Variants in TCERG1L observed in about 807,000 individuals in gnomAD.
TCERG1L encodes transcription elongation regulator 1-like protein.
TCERG1L carries 37 observed loss-of-function variants against 56.3 expected under a neutral mutation model. The ratio of observed to expected loss-of-function variants is 0.66; its 90% CI spans 0.51 to 0.87. The LOEUF (loss-of-function observed/expected upper bound fraction) is 0.87, where lower values mean the gene tolerates loss of function less well. Among genes scored for constraint, TCERG1L ranks in the 40% least tolerant of loss-of-function variants. The pLI is 0.00. For missense variants in TCERG1L, 799 were observed against 774.2 expected (o/e 1.03, Z -0.38); for synonymous variants, 324 against 326.3 (o/e 0.99, Z 0.08).
rs980683615 is a variant in TCERG1L, at chr10:131,260,151, G to T, written c.856+108C>A. The T allele has an allele frequency of 5.7e-6, 7 of 1,237,756 alleles. No homozygotes were observed. Among genetic ancestry groups the T allele is most frequent in the Non-Finnish European group, 7.1e-6 (7 of 990,956 alleles). The allele number at this position is 1,237,756 out of a possible 1,614,324, so 76.7% of individuals were successfully genotyped here. A position where few individuals can be genotyped will look rare whatever the true frequency, so the allele number is the denominator to read the frequency against. ...CGAATGTTTCCCTCAACCGGAGCCG[G>T]GCTTCAGGTCCCACAGCGCCTGGGC... On this transcript the variant is annotated intron_variant, in intron 4 of 11. Coordinates refer to ENST00000368642, the MANE Select transcript of TCERG1L (RefSeq NM_174937.4). This position sits in a 1 kb window ranked among gnomAD's most constrained non-coding sequence, Gnocchi z 5.8.
chr10:131,127,773 A>C (rs1352760455), intron 8 of TCERG1L, among the ~76,000 whole-genome samples: 1 of 152,138 alleles, frequency 6.6e-6, no homozygotes, highest in Non-Finnish European at 1.5e-5. Context: ...AGCAGACTCT[A>C]GGATGGAGTC....
intron 4 of TCERG1L, among the ~76,000 whole-genome samples, chr10:131,238,251 G>A (rs1204053137): frequency 1.3e-5 from 2 of 152,184 alleles, no homozygotes; most frequent in Non-Finnish European, 2.9e-5. Flanking sequence ...TCTCGTTAAG[G>A]AATCCACACT....
At chr10:131,243,763 A>C (rs1845998438) in intron 4 of TCERG1L, among the ~76,000 whole-genome samples, 1 of 152,222 alleles carries the variant, frequency 6.6e-6, no homozygotes, top group Admixed American at 6.5e-5. Flanking sequence ...GCAAAATGGC[A>C]GATGACCTGA....
intron 4 of TCERG1L, among the ~76,000 whole-genome samples, chr10:131,243,417 C>T (rs1042959510): frequency 6.6e-5 from 10 of 152,136 alleles, no homozygotes; most frequent in East Asian, 1.9e-4. Context: ...CCCGTCTCTA[C>T]TAAAAATACA....
chr10:131,301,489 T>G (rs1364906400), intron 3 of TCERG1L, among the ~76,000 whole-genome samples: 1 of 152,094 alleles, frequency 6.6e-6, no homozygotes, highest in Non-Finnish European at 1.5e-5. Context: ...ATCTCCATTG[T>G]TAGTTCTTGT....
intron 4 of TCERG1L, among the ~76,000 whole-genome samples, chr10:131,178,746 T>C (rs1845138211): frequency 6.6e-6 from 1 of 152,092 alleles, no homozygotes; most frequent in Non-Finnish European, 1.5e-5. Flanking sequence ...CGGGACCTTC[T>C]CCCCAGGCAT....
intron 3 of TCERG1L, among the ~76,000 whole-genome samples, chr10:131,285,441 GAAAC>G (rs574031379): frequency 3.6e-5 from 5 of 137,976 alleles, no homozygotes; most frequent in African/African-American, 5.4e-5. Flanking sequence ...GAGAGAAAGA[GAAAC>G]AAAGAAAGAG....
chr10:131,248,415 G>C (rs1846065225), intron 4 of TCERG1L, among the ~76,000 whole-genome samples: 1 of 152,024 alleles, frequency 6.6e-6, no homozygotes, highest in Non-Finnish European at 1.5e-5. Context: ...GACCTTGAGA[G>C]AGGTTAAGTC....
intron 4 of TCERG1L, among the ~76,000 whole-genome samples, chr10:131,242,014 G>C (rs891328848): frequency 3.9e-5 from 6 of 152,198 alleles, no homozygotes; most frequent in African/African-American, 1.4e-4. Flanking sequence ...ACAATTCAAA[G>C]TAACATTGTA....
chr10:131,270,743 C>T (rs1846331527), intron 3 of TCERG1L, among the ~76,000 whole-genome samples: 1 of 152,148 alleles, frequency 6.6e-6, no homozygotes, highest in African/African-American at 2.4e-5. Context: ...CTTTAATATC[C>T]ACATGCAGGC....
At chr10:131,168,869 G>T (rs994716178) in intron 4 of TCERG1L, among the ~76,000 whole-genome samples, 1 of 152,174 alleles carries the variant, frequency 6.6e-6, no homozygotes, top group South Asian at 2.1e-4. Context: ...CGACCACAGG[G>T]CTCCCATACA....
At chr10:131,137,937 G>C (rs1324755745) in intron 7 of TCERG1L, among the ~76,000 whole-genome samples, 1 of 152,172 alleles carries the variant, frequency 6.6e-6, no homozygotes, top group East Asian at 1.9e-4. Context: ...CTCTCTGGAA[G>C]CAGATCAGAC....
At chr10:131,160,407 C>T (rs1043828940) in intron 6 of TCERG1L, among the ~76,000 whole-genome samples, 4 of 151,838 alleles carry the variant, frequency 2.6e-5, no homozygotes, top group Non-Finnish European at 5.9e-5. Flanking sequence ...CGTGGCCCTA[C>T]ACCCCGCCAC....
chr10:131,246,612 G>GCACCC (rs944164802), intron 4 of TCERG1L, among the ~76,000 whole-genome samples: 2 of 85,560 alleles, frequency 2.3e-5, no homozygotes, highest in Admixed American at 2.8e-4. Flanking sequence ...CTGCCCCACC[G>GCACCC]CACCCCACCC....
chr10:131,094,100 C>T (rs970297463), intron 11 of TCERG1L, among the ~76,000 whole-genome samples: 11 of 152,230 alleles, frequency 7.2e-5, no homozygotes, highest in African/African-American at 1.9e-4. Flanking sequence ...GAGGGCAAAA[C>T]AGGATGCGCC....
At chr10:131,120,138 C>T (rs992410462) in intron 8 of TCERG1L, among the ~76,000 whole-genome samples, 2 of 152,064 alleles carry the variant, frequency 1.3e-5, no homozygotes, top group Non-Finnish European at 2.9e-5. Flanking sequence ...GCTTGCCAAT[C>T]GATCTGTTAA....
In TCERG1L at chr10:131,103,918, T is replaced by A. The variant is rs1268164582; in HGVS notation, c.1485+347A>T. ...AAGCATATAAAACCTTAAGGTCTTATGTAAGACCACCTCTTTCACTATCTT... is the reference window on the plus strand; with the variant it reads ...AAGCATATAAAACCTTAAGGTCTTAAGTAAGACCACCTCTTTCACTATCTT... On this transcript the variant is annotated intron_variant, in intron 10 of 11. Coordinates refer to ENST00000368642, the MANE Select transcript of TCERG1L (RefSeq NM_174937.4). The surrounding 1 kb of genome is among the most constrained non-coding windows in gnomAD (Gnocchi z 4.3). 6.6e-6 allele frequency among the ~76,000 whole-genome samples: 1 copy of A among 152,208 alleles called. No individual in the cohort carries two copies. Among genetic ancestry groups the A allele is most frequent in the East Asian group, 1.9e-4 (1 of 5,194 alleles).
At chr10:131,126,595 G>C (rs545123621) in intron 8 of TCERG1L, among the ~76,000 whole-genome samples, 2 of 152,220 alleles carry the variant, frequency 1.3e-5, no homozygotes, top group East Asian at 1.9e-4. Context: ...GACAGACTCT[G>C]CTGGGGACCG....
intron 7 of TCERG1L, among the ~76,000 whole-genome samples, chr10:131,146,271 G>A (rs1261750179): frequency 1.3e-5 from 2 of 152,190 alleles, no homozygotes; most frequent in African/African-American, 4.8e-5. Context: ...CCATCTCTGC[G>A]TTAATCACCT....
Sources: allele counts gnomAD v4.1 joint callset (sites outside exome capture counted in the v4.1 genomes callset), GRCh38; gene constraint gnomAD v4.1.1; non-coding constraint Gnocchi (gnomAD v3.1); transcripts MANE v1.5; gene names NCBI Gene and HGNC (gene_info 2026-07-23, HGNC 2026-07-21).